ANO2: variants seen among roughly 807,000 people sequenced by gnomAD.
The protein encoded by ANO2 is anoctamin 2, also known as anoctamin-2.
ANO2 carries 101 observed loss-of-function variants against 124.2 expected under a neutral mutation model. The ratio of observed to expected loss-of-function variants is 0.81; its 90% CI spans 0.69 to 0.96. The LOEUF (loss-of-function observed/expected upper bound fraction) is 0.96. Ranked by LOEUF, ANO2 falls within the 40% of genes least tolerant of loss-of-function variation. ANO2 has a pLI of 0.00. For synonymous variants in ANO2, 486 were observed against 482.5 expected, an observed-to-expected ratio of 1.01 and a Z score of -0.09; for missense variants, 1,293 against 1,274.5, an observed-to-expected ratio of 1.01 and a Z score of -0.22.
rs1950689617 is a variant in ANO2 at position 5,732,614 on chromosome 12, T to C, written c.1451A>G (p.Glu484Gly). 1.2e-6 allele frequency: 2 copies of C among 1,613,750 alleles called. No homozygotes were observed. The highest frequency in any genetic ancestry group is 1.1e-5 in the South Asian group (1 of 91,000). The change falls in exon 14 of 25, where the codon GAG becomes GGG. Residue 484 changes from glutamate (E) to glycine (G), a missense_variant. Physicochemically the swap from Glu to Gly is moderately conservative, Grantham distance 98 (BLOSUM62 -2). Coordinates refer to ENST00000682330, the MANE Select transcript of ANO2 (RefSeq NM_001364791.2). ...TTTCTCTCGAACTTTGGTTTCATAC[T>C]CAGGCCTGGAATGTTCCTAAACCAA... is the stretch of plus-strand genomic sequence containing the variant. Reference protein sequence around the residue: ...IEEEEEHSRPEYETKVREKML... With the variant: ...IEEEEEHSRPGYETKVREKML...
At chr12:5,673,275 C>A (rs909661361) in intron 14 of ANO2, among the ~76,000 whole-genome samples, 15 of 152,198 alleles carry the variant, frequency 9.9e-5, no homozygotes, top group African/African-American at 3.6e-4. Flanking sequence ...AGGCATGTGG[C>A]TAGCTCAGTG....
At position 5,799,577 on chromosome 12, in the gene ANO2, C is replaced by T. The variant is rs754165834; in HGVS notation, c.991-6G>A. ...GCCCATTCTTGATATAGCAGCTAAA[C>T]AAAGAAAATAAGGAAACAGGTTAGA... On this transcript the variant is annotated splice_polypyrimidine_tract_variant and splice_region_variant and intron_variant, in intron 9 of 24. Transcript: ENST00000682330. The T allele has an allele frequency of 1.2e-6, 2 of 1,613,474 alleles. No homozygotes were observed. The highest frequency in any genetic ancestry group is 3.3e-5 in the Admixed American group (2 of 59,998).
intron 3 of ANO2, among the ~76,000 whole-genome samples, chr12:5,873,078 C>T (rs1306039644): frequency 1.3e-5 from 2 of 152,166 alleles, no homozygotes; most frequent in African/African-American, 4.8e-5. Context: ...ATTTGCAAGG[C>T]TACTGTAAAT....
chr12:5,935,420 C>T (rs1454282114), intron 1 of ANO2, among the ~76,000 whole-genome samples: 1 of 152,188 alleles, frequency 6.6e-6, no homozygotes, highest in African/African-American at 2.4e-5. Context: ...TTAAGGGTGA[C>T]TGGAGATAGC....
chr12:5,677,204 C>T (rs1262673898), intron 14 of ANO2, among the ~76,000 whole-genome samples: 4 of 152,046 alleles, frequency 2.6e-5, no homozygotes, highest in African/African-American at 9.7e-5. Context: ...CTGGGGAGGC[C>T]TTTGGCACCC....
At chr12:5,643,522 G>A (rs187597753) in intron 15 of ANO2, among the ~76,000 whole-genome samples, 5 of 152,178 alleles carry the variant, frequency 3.3e-5, no homozygotes, top group African/African-American at 4.8e-5. Flanking sequence ...TCTTGTACAC[G>A]TATTTTGCTG....
intron 15 of ANO2, among the ~76,000 whole-genome samples, chr12:5,639,030 C>T (rs530326205): frequency 6.6e-5 from 10 of 152,216 alleles, no homozygotes; most frequent in Admixed American, 2.0e-4. Flanking sequence ...CCTCCGTTCA[C>T]GAGCTTCTGG....
chr12:5,871,408 A>C, intron 3 of ANO2, among the ~76,000 whole-genome samples: 1 of 152,226 alleles, frequency 6.6e-6, no homozygotes, highest in Admixed American at 6.5e-5. Context: ...TATACCTAGA[A>C]TAGAGTATGC....
Position 5,589,181 on chromosome 12 carries a change from C to A in ANO2, c.2233+10303G>T, listed in dbSNP as rs116071648. Among the ~76,000 whole-genome samples the A allele has an allele frequency of 4.7e-3, 714 of 152,316 alleles. 7 individuals are homozygous for A. The highest frequency in any genetic ancestry group is 0.015 in the African/African-American group (630 of 41,560). On this transcript the variant is annotated intron_variant, in intron 20 of 24. Coordinates refer to ENST00000682330, the MANE Select transcript of ANO2 (RefSeq NM_001364791.2). ...ACATCTGCTGTGAACTTCATCTTCT[C>A]TCCCACCAAGCTAGTTCCCAGAGCT...
At chr12:5,668,028 C>T (rs1947817821) in intron 14 of ANO2, among the ~76,000 whole-genome samples, 1 of 152,122 alleles carries the variant, frequency 6.6e-6, no homozygotes, top group African/African-American at 2.4e-5. Flanking sequence ...GTGCATGTAT[C>T]TTTGTAATAG....
At chr12:5,693,884 C>T (rs1949048699) in intron 14 of ANO2, among the ~76,000 whole-genome samples, 1 of 152,202 alleles carries the variant, frequency 6.6e-6, no homozygotes, top group African/African-American at 2.4e-5. Flanking sequence ...AGAGACCATT[C>T]CCGGAGCAGC....
At chr12:5,733,844 T>C (rs1304269075) in intron 13 of ANO2, among the ~76,000 whole-genome samples, 1 of 152,254 alleles carries the variant, frequency 6.6e-6, no homozygotes, top group African/African-American at 2.4e-5. Context: ...CCGAAACTTT[T>C]ATAGCTTATA....
intron 3 of ANO2, among the ~76,000 whole-genome samples, chr12:5,882,843 T>C (rs1938595879): frequency 6.6e-6 from 1 of 152,114 alleles, no homozygotes; most frequent in South Asian, 2.1e-4. Flanking sequence ...GGGCATTGCA[T>C]AGACCACTTG....
chr12:5,563,661 G>T (rs1941581650), intron 24 of ANO2, 93 bp from the exon 25 acceptor site: 2 of 1,503,188 alleles, frequency 1.3e-6, no homozygotes, highest in African/African-American at 2.8e-5. Flanking sequence ...GTCAATCCTG[G>T]CTTTGCAACT....
chr12:5,916,030 A>G (rs901400548), intron 3 of ANO2, among the ~76,000 whole-genome samples: 7 of 152,248 alleles, frequency 4.6e-5, no homozygotes, highest in African/African-American at 1.7e-4. Flanking sequence ...TAATCCCAGC[A>G]CTTTGGGAGG....
rs1005316133 is a variant in ANO2 at position 5,610,973 on chromosome 12, T to C, written c.2087+1683A>G. 6.6e-4 allele frequency among the ~76,000 whole-genome samples: 30 copies of C among 45,496 alleles called. 1 individual carries two copies. Among genetic ancestry groups the C allele is most frequent in the African/African-American group, 1.5e-3 (28 of 18,580 alleles). The allele number at this position is 45,496 out of a possible 152,430, so 29.8% of individuals were successfully genotyped here. A position where few individuals can be genotyped will look rare whatever the true frequency, so the allele number is the denominator to read the frequency against. On this transcript the variant is annotated intron_variant, in intron 19 of 24. Transcript: ENST00000682330. ...CACATCCTGGAACAAACTTCTCTGC[T>C]TTTTTTTTTTTTTTTTGAGACAGAG...
At chr12:5,775,170 CT>C (rs1952190999) in intron 10 of ANO2, among the ~76,000 whole-genome samples, 1 of 152,192 alleles carries the variant, frequency 6.6e-6, no homozygotes, top group Non-Finnish European at 1.5e-5. Flanking sequence ...CATTGCCCTA[CT>C]TTTTGCCAAT....
At chr12:5,709,430 T>G (rs376402120) in intron 14 of ANO2, among the ~76,000 whole-genome samples, 3 of 152,268 alleles carry the variant, frequency 2.0e-5, no homozygotes, top group Non-Finnish European at 1.5e-5. Context: ...ATCTCCCTTC[T>G]CCTCAGTGTA....
chr12:5,638,237 C>CTTTTTTTTTTTTTTTTTTTTTTTTT lies in ANO2; in HGVS notation c.1621-2891_1621-2890insAAAAAAAAAAAAAAAAAAAAAAAAA, dbSNP rs35224024. On this transcript the variant is annotated intron_variant, in intron 15 of 24. Transcript: ENST00000682330. ...ATCTTCACTAGCACTGTTTCTTTTC[C>CTTTTTTTTTTTTTTTTTTTTTTTTT]TTTTTTTTTTTTTTTTGAGACGGAG... Among the ~76,000 whole-genome samples the CTTTTTTTTTTTTTTTTTTTTTTTTT allele has an allele frequency of 1.6e-5, 2 of 124,850 alleles. 1 individual carries two copies. The allele number at this position is 124,850 out of a possible 152,430, so 81.9% of individuals were successfully genotyped here.
Sources: gnomAD v4.1 joint callset for allele counts (sites outside exome capture counted in the v4.1 genomes callset) on GRCh38, gnomAD v4.1.1 for gene constraint, MANE v1.5 for transcripts, NCBI Gene and HGNC (gene_info 2026-07-23, HGNC 2026-07-21) for gene names.